LRRN2: variants seen among roughly 807,000 people sequenced by gnomAD.
LRRN2 encodes leucine rich repeat neuronal 2, also known as leucine-rich repeat neuronal protein 2.
LRRN2 carries 10 observed loss-of-function variants against 35.7 expected under a neutral mutation model. The ratio of observed to expected loss-of-function variants is 0.28; its 90% confidence interval spans 0.17 to 0.47. The LOEUF is 0.47. Among genes scored for constraint, LRRN2 ranks in the 20% least tolerant of loss-of-function variants. The pLI, the probability that LRRN2 is intolerant of heterozygous loss-of-function variation, is 0.99. For missense variants in LRRN2, 731 were observed against 940.3 expected (o/e 0.78, Z 2.91); for synonymous variants, 391 against 409.6 (o/e 0.95, Z 0.55).
At chr1:204,659,587 AAC>A (rs1668428876) in intron 1 of LRRN2, among the ~76,000 whole-genome samples, 1 of 150,654 alleles carries the variant, frequency 6.6e-6, no homozygotes, top group South Asian at 2.1e-4. Context: ...TAAGGTGGTC[AAC>A]AGTTCATAAT....
intron 1 of LRRN2, among the ~76,000 whole-genome samples, chr1:204,674,403 G>A (rs762390625): frequency 2.0e-5 from 3 of 152,138 alleles, no homozygotes; most frequent in Non-Finnish European, 4.4e-5. Context: ...AACGGCAAAT[G>A]TGAGGTTGCC....
rs35192809 is a variant in LRRN2 at position 204,671,642 on chromosome 1, TAAAAAAA to T, written c.-227+13671_-227+13677del. Reference sequence around the variant, plus strand: ...GAAGGCAGAGGAAGGTAATTGATGGTAAAAAAAAAAAAAAAAAAAAAAAAAAAAGCAA... The same window carrying T: ...GAAGGCAGAGGAAGGTAATTGATGGTAAAAAAAAAAAAAAAAAAAAAGCAA... On this transcript the variant is annotated intron_variant, in intron 1 of 1. Coordinates refer to ENST00000367177, the MANE Select transcript of LRRN2 (RefSeq NM_201630.2). Among the ~76,000 whole-genome samples the T allele has an allele frequency of 6.6e-4, 20 of 30,246 alleles. 1 individual carries two copies. The East Asian group carries it at 0.019, about 29-fold the overall frequency. The allele number at this position is 30,246 out of a possible 152,430, so 19.8% of individuals were successfully genotyped here.
At chr1:204,655,018 T>A (rs1668318023) in intron 1 of LRRN2, among the ~76,000 whole-genome samples, 1 of 152,130 alleles carries the variant, frequency 6.6e-6, no homozygotes, top group South Asian at 2.1e-4. Context: ...GTGGTCTGAG[T>A]GTAGCTGTTC....
chr1:204,624,761 C>A (rs534487162), intron 1 of LRRN2, among the ~76,000 whole-genome samples: 36 of 146,976 alleles, frequency 2.4e-4, no homozygotes, highest in Admixed American at 5.4e-4. Flanking sequence ...CCCCACCCCC[C>A]CCCCCGGGAG....
At chr1:204,638,016 C>G (rs1308867325) in intron 1 of LRRN2, among the ~76,000 whole-genome samples, 4 of 152,270 alleles carry the variant, frequency 2.6e-5, no homozygotes, top group South Asian at 2.1e-4. Context: ...TTTTCCTTTC[C>G]TTGCTTTTCT....
At chr1:204,660,573 ACACACACT>A (rs1375628166) in intron 1 of LRRN2, among the ~76,000 whole-genome samples, 9 of 140,142 alleles carry the variant, frequency 6.4e-5, no homozygotes, top group South Asian at 2.2e-4. Context: ...ACACACACAC[ACACACACT>A]CTCTCTCTCT....
Position 204,617,793 on chromosome 1 carries a change from T to G in LRRN2, c.*58A>C, listed in dbSNP as rs2102562199. The stretch of plus-strand genomic sequence containing the variant: ...GGCAGGGCATCTGGCCCAGACTGCT[T>G]CTCTTTTGGTAAAAAGTAGTCCTAG... On this transcript the variant is annotated 3_prime_UTR_variant, in exon 2 of 2. Transcript: ENST00000367177. 13 of 1,592,596 alleles carry G rather than the reference T, an allele frequency of 8.2e-6. No individual in the cohort carries two copies. The East Asian group carries it at 1.1e-4, about 14-fold the overall frequency.
At chr1:204,670,664 C>T (rs896728574) in intron 1 of LRRN2, among the ~76,000 whole-genome samples, 6 of 151,464 alleles carry the variant, frequency 4.0e-5, no homozygotes, top group South Asian at 2.1e-4. Flanking sequence ...TCAGCAAAGA[C>T]GACTCAGGAG....
At chr1:204,634,647 A>G (rs1667788944) in intron 1 of LRRN2, among the ~76,000 whole-genome samples, 1 of 152,198 alleles carries the variant, frequency 6.6e-6, no homozygotes, top group Non-Finnish European at 1.5e-5. Context: ...CCACCAATTG[A>G]TGGCCACCAC....
intron 1 of LRRN2, among the ~76,000 whole-genome samples, chr1:204,667,120 C>T (rs550311399): frequency 1.5e-3 from 221 of 152,230 alleles, no homozygotes; most frequent in African/African-American, 5.1e-3. Context: ...ACAGGAGCAG[C>T]ACAAGGGAGT....
chr1:204,618,556 C>G lies in LRRN2; in HGVS notation c.1437G>C (p.Glu479Asp). ...TCACCCTCCGCAGCTCCAGGGTCCCCTCGGGGTACACCCGGTACCTCCTGC... is the reference window on the plus strand; with the variant it reads ...TCACCCTCCGCAGCTCCAGGGTCCCGTCGGGGTACACCCGGTACCTCCTGC... ...HAGRRYRVYP[E>D]GTLELRRVTA... Residue 479 changes from glutamate to aspartate, a missense_variant, in exon 2 of 2, where the codon GAG (glutamate) becomes GAC (aspartate). Coordinates refer to ENST00000367177, the MANE Select transcript of LRRN2 (RefSeq NM_201630.2). The G allele has an allele frequency of 6.2e-7, 1 of 1,614,124 alleles. No individual in the cohort carries two copies. The highest frequency in any genetic ancestry group is 8.5e-7 in the Non-Finnish European group (1 of 1,180,032).
chr1:204,634,215 G>C (rs537545172), intron 1 of LRRN2, among the ~76,000 whole-genome samples: 1 of 152,208 alleles, frequency 6.6e-6, no homozygotes, highest in Non-Finnish European at 1.5e-5. Flanking sequence ...TAATAATTTG[G>C]GAAGAGCAGA....
chr1:204,631,410 C>G (rs1305185133), intron 1 of LRRN2, among the ~76,000 whole-genome samples: 1 of 148,930 alleles, frequency 6.7e-6, no homozygotes, highest in Admixed American at 6.7e-5. Context: ...TGAAATAGAT[C>G]CCTGACCTTA....
At chr1:204,674,389 C>T (rs539011716) in intron 1 of LRRN2, among the ~76,000 whole-genome samples, 1 of 151,762 alleles carries the variant, frequency 6.6e-6, no homozygotes, top group East Asian at 1.9e-4. Flanking sequence ...TCATTAGAAA[C>T]CAGAACGGCA....
chr1:204,666,949 G>A (rs1207580130), intron 1 of LRRN2, among the ~76,000 whole-genome samples: 4 of 100,094 alleles, frequency 4.0e-5, no homozygotes, highest in South Asian at 3.8e-4. Context: ...ATGCCAGAGT[G>A]AAACTCTGTC....
At chr1:204,660,788 T>G (rs1324600462) in intron 1 of LRRN2, among the ~76,000 whole-genome samples, 1 of 152,194 alleles carries the variant, frequency 6.6e-6, no homozygotes, top group Non-Finnish European at 1.5e-5. Context: ...TCTGTGCAAT[T>G]TCCATCTCAT....
intron 1 of LRRN2, chr1:204,682,798 G>A (rs1216579457): frequency 1.3e-5 from 2 of 152,248 alleles, no homozygotes; most frequent in African/African-American, 2.4e-5. Context: ...AGGACAGGAT[G>A]ACTTAAGCGG....
In LRRN2 at chr1:204,617,724, C is replaced by A; in HGVS notation, c.*127G>T. Reference sequence around the variant, plus strand: ...GGCCACAAAGCCCCATCTGTCTTGGCCCAGCTGCCAGGCCTCAAGCACGTG... The same window carrying A: ...GGCCACAAAGCCCCATCTGTCTTGGACCAGCTGCCAGGCCTCAAGCACGTG... On this transcript the variant is annotated 3_prime_UTR_variant, in exon 2 of 2. Transcript: ENST00000367177. 9.0e-7 allele frequency: 1 copy of A among 1,107,894 alleles called. No homozygotes were observed. Among genetic ancestry groups the A allele is most frequent in the Non-Finnish European group, 1.3e-6 (1 of 748,052 alleles). 68.6% of individuals were successfully genotyped at this position (1,107,894 alleles called of 1,614,324 possible).
At position 204,658,242 on chromosome 1, in the gene LRRN2, T is replaced by G. The variant is rs141688142; in HGVS notation, c.-227+27078A>C. Among the ~76,000 whole-genome samples the G allele has an allele frequency of 1.5e-4, 23 of 152,238 alleles. No homozygotes were observed. In the East Asian group the frequency reaches 4.4e-3, roughly 29 times the overall value. On this transcript the variant is annotated intron_variant, in intron 1 of 1. Transcript: ENST00000367177. ...ATTTGCCCACCTTGGCCTCCCAAAG[T>G]GTTGGGATTACAGGCATGAGCCACC...
Sources: allele counts gnomAD v4.1 joint callset (sites outside exome capture counted in the v4.1 genomes callset), GRCh38; gene constraint gnomAD v4.1.1; transcripts MANE v1.5; gene names NCBI Gene and HGNC (gene_info 2026-07-23, HGNC 2026-07-21).